The following CDC20B variants were observed in gnomAD, a reference collection of about 807,000 sequenced individuals.
The protein encoded by CDC20B is cell division cycle 20B.
CDC20B carries 58 observed loss-of-function variants against 64.1 expected under a neutral mutation model. That is an observed-to-expected ratio of 0.90 (90% CI 0.73 to 1.13). The LOEUF is 1.13. CDC20B is among the 50% of genes most tolerant of loss of function. The pLI is 0.00. For missense variants in CDC20B, 597 were observed against 633.0 expected, an observed-to-expected ratio of 0.94 and a Z score of 0.61; for synonymous variants, 243 against 230.6, an observed-to-expected ratio of 1.05 and a Z score of -0.49.
In CDC20B at chr5:55,161,353, C is replaced by T. The variant is rs1430868580; in HGVS notation, c.126+11235G>A. 6 of 1,185,794 alleles carry T rather than the reference C, an allele frequency of 5.1e-6. No individual in the cohort carries two copies. In the South Asian group the frequency reaches 6.0e-5, roughly 12 times the overall value. The allele number at this position is 1,185,794 out of a possible 1,614,324, so 73.5% of individuals were successfully genotyped here. A position where few individuals can be genotyped will look rare whatever the true frequency, so the allele number is the denominator to read the frequency against. On this transcript the variant is annotated intron_variant, in intron 2 of 11. Coordinates refer to ENST00000381375, the MANE Select transcript of CDC20B (RefSeq NM_001170402.1). Reference sequence around the variant, plus strand: ...TCCTATTTCATTTGAAACGTTGTATCGGGAAAGCTTCATAAAACTATCATC... The same window carrying T: ...TCCTATTTCATTTGAAACGTTGTATTGGGAAAGCTTCATAAAACTATCATC...
chr5:55,140,544 C>T (rs1743302606), intron 4 of CDC20B, 137 bp from the exon 5 acceptor site: 1 of 559,594 alleles, frequency 1.8e-6, no homozygotes, highest in East Asian at 3.1e-5. Context: ...GCCAACACCA[C>T]AATAATCGCT....
At chr5:55,127,461 G>C (rs549174683) in intron 7 of CDC20B, 110 bp from the exon 8 acceptor site, 1 of 834,830 alleles carries the variant, frequency 1.2e-6, no homozygotes, top group Non-Finnish European at 2.0e-6. Context: ...TTTGTACTAA[G>C]TGAAAACCCA....
rs746720568 is a variant in CDC20B at position 55,128,398 on chromosome 5, GA to G, written c.894+22del. On this transcript the variant is annotated intron_variant, in intron 7 of 11. Coordinates refer to ENST00000381375, the MANE Select transcript of CDC20B (RefSeq NM_001170402.1). ...TAATAATACACAGAGAACATGATGA[GA>G]AAAAAAAAAACTGGCCAGTACTTGC... 9.8e-3 allele frequency: 12,139 copies of G among 1,241,244 alleles called. 328 individuals carry two copies. The African/African-American group carries it at 0.11, about 12-fold the overall frequency. 76.9% of individuals were successfully genotyped at this position (1,241,244 alleles called of 1,614,324 possible).
At chr5:55,129,477 C>CATGAA (rs1742975277) in intron 6 of CDC20B, among the ~76,000 whole-genome samples, 1 of 152,108 alleles carries the variant, frequency 6.6e-6, no homozygotes, top group Non-Finnish European at 1.5e-5. Context: ...ACAAAAAGGC[C>CATGAA]ACCATATTTC....
At chr5:55,120,336 G>A in intron 10 of CDC20B, 89 bp downstream of exon 10, 1 of 1,465,074 alleles carries the variant, frequency 6.8e-7, no homozygotes, top group Non-Finnish European at 9.4e-7. Context: ...GAGAAAGAGA[G>A]CTTGTTGGGG....
In CDC20B at chr5:55,133,464, G is replaced by A; in HGVS notation, c.645C>T (p.Ser215=). ...GAATCTTCACCTCTGGTTGGAGTATGGAATCGTTTATATCACCAGAACTTT... is the reference window on the plus strand; with the variant it reads ...GAATCTTCACCTCTGGTTGGAGTATAGAATCGTTTATATCACCAGAACTTT... ...HLKSSGDIND[S]ILQPEVKIHI... is the part of the protein sequence containing the mutation. The change falls in exon 6 of 12, where the codon TCC becomes TCT. Residue 215 remains serine, a synonymous_variant. Transcript: ENST00000381375. 6.3e-7 allele frequency: 1 copy of A among 1,584,502 alleles called. No homozygotes were observed. The highest frequency in any genetic ancestry group is 8.6e-7 in the Non-Finnish European group (1 of 1,159,982).
chr5:55,125,796 C>T (rs186146537), intron 8 of CDC20B, among the ~76,000 whole-genome samples: 6 of 152,356 alleles, frequency 3.9e-5, no homozygotes, highest in Admixed American at 1.3e-4. Context: ...TGCTGAACAG[C>T]ATTGTGATTA....
chr5:55,171,078 C>A (rs1249785426), intron 2 of CDC20B, among the ~76,000 whole-genome samples: 2 of 152,166 alleles, frequency 1.3e-5, no homozygotes, highest in Non-Finnish European at 2.9e-5. Flanking sequence ...CTTTGGGAGG[C>A]CAAGGTTGGC....
intron 2 of CDC20B, among the ~76,000 whole-genome samples, chr5:55,168,923 G>A (rs985755660): frequency 2.6e-5 from 4 of 152,028 alleles, no homozygotes; most frequent in Non-Finnish European, 2.9e-5. Context: ...CCCCAGCATC[G>A]CCTATTATAT....
At chr5:55,172,560 A>G (rs763233068) in intron 2 of CDC20B, 28 bp downstream of exon 2, 8 of 1,570,840 alleles carry the variant, frequency 5.1e-6, no homozygotes, top group Non-Finnish European at 7.0e-6. Context: ...GAATTAAAAC[A>G]GAGAACAAGA....
At chr5:55,124,700 GA>G (rs1357169513) in intron 9 of CDC20B, 102 bp downstream of exon 9, 4 of 1,026,378 alleles carry the variant, frequency 3.9e-6, no homozygotes, top group African/African-American at 1.6e-5. Flanking sequence ...TCTAGAGAAA[GA>G]AAAATCTCAA....
rs1743102621 is a variant in CDC20B, at chr5:55,134,269, C to T, written c.581-741G>A. Among the ~76,000 whole-genome samples, 4 of 151,978 alleles carry T rather than the reference C, an allele frequency of 2.6e-5. No individual in the cohort carries two copies. The South Asian group carries it at 8.3e-4, about 32-fold the overall frequency. On this transcript the variant is annotated intron_variant, in intron 5 of 11. Coordinates refer to ENST00000381375, the MANE Select transcript of CDC20B (RefSeq NM_001170402.1). ...CCAGGTGACTTGTGGTGTCTATGACCAGATGGCTTCTGATAAAAGCATGAG... is the reference window on the plus strand; with the variant it reads ...CCAGGTGACTTGTGGTGTCTATGACTAGATGGCTTCTGATAAAAGCATGAG...
At chr5:55,172,863 A>G in intron 1 of CDC20B, 75 bp downstream of exon 1, 3 of 1,418,966 alleles carry the variant, frequency 2.1e-6, no homozygotes, top group Non-Finnish European at 2.9e-6. Flanking sequence ...TCTTGGTCCT[A>G]AACAGATATT....
intron 2 of CDC20B, among the ~76,000 whole-genome samples, chr5:55,149,398 G>A (rs1356383534): frequency 6.6e-6 from 1 of 152,176 alleles, no homozygotes; most frequent in Non-Finnish European, 1.5e-5. Flanking sequence ...AAATTCATGT[G>A]CACATATGTT....
At chr5:55,118,905 C>G (rs1742688456) in intron 11 of CDC20B, among the ~76,000 whole-genome samples, 1 of 152,188 alleles carries the variant, frequency 6.6e-6, no homozygotes. Flanking sequence ...TTATCACTAC[C>G]TAACATTGCA....
At chr5:55,133,851 T>C (rs1489351391) in intron 5 of CDC20B, among the ~76,000 whole-genome samples, 1 of 152,214 alleles carries the variant, frequency 6.6e-6, no homozygotes, top group East Asian at 1.9e-4. Flanking sequence ...TATTCTGTTA[T>C]TTGGGATTTT....
At chr5:55,139,154 A>T (rs1263535647) in intron 5 of CDC20B, among the ~76,000 whole-genome samples, 1 of 152,280 alleles carries the variant, frequency 6.6e-6, no homozygotes, top group East Asian at 1.9e-4. Flanking sequence ...AGCAAAGTTG[A>T]AGTCAAATTA....
intron 2 of CDC20B, chr5:55,164,111 G>C: frequency 6.2e-7 from 1 of 1,604,736 alleles, no homozygotes; most frequent in South Asian, 1.1e-5. Context: ...CAACCCTGAG[G>C]GTCAAGTTGT....
intron 5 of CDC20B, among the ~76,000 whole-genome samples, chr5:55,138,809 A>G (rs1283748961): frequency 6.6e-6 from 1 of 152,018 alleles, no homozygotes; most frequent in Non-Finnish European, 1.5e-5. Flanking sequence ...AAAAAGTTTC[A>G]TAGCGAGGTT....
Sources: allele counts gnomAD v4.1 joint callset (sites outside exome capture counted in the v4.1 genomes callset), GRCh38; gene constraint gnomAD v4.1.1; transcripts MANE v1.5; gene names NCBI Gene and HGNC (gene_info 2026-07-23, HGNC 2026-07-21).